Variants in PRKN observed in about 807,000 individuals in gnomAD.
The protein encoded by PRKN is E3 ubiquitin-protein ligase parkin.
PRKN carries 56 observed loss-of-function variants against 59.5 expected under a neutral mutation model. The observed-to-expected ratio is 0.94, with a 90% CI of 0.76 to 1.18. The LOEUF (loss-of-function observed/expected upper bound fraction) is 1.18. Ranked by LOEUF, PRKN falls within the 50% of genes most tolerant of loss-of-function variation. The pLI is 0.00. For synonymous variants in PRKN, 250 were observed against 222.1 expected, an observed-to-expected ratio of 1.13 and a Z score of -1.12; for missense variants, 657 against 596.4, an observed-to-expected ratio of 1.10 and a Z score of -1.06.
intron 2 of PRKN, among the ~76,000 whole-genome samples, chr6:162,334,062 G>T (rs1783716893): frequency 6.6e-6 from 1 of 152,184 alleles, no homozygotes; most frequent in African/African-American, 2.4e-5. Flanking sequence ...TACGAAGGCT[G>T]AGAGAGGTCA....
intron 1 of PRKN, among the ~76,000 whole-genome samples, chr6:162,601,491 A>T (rs1343506176): frequency 6.6e-6 from 1 of 152,166 alleles, no homozygotes; most frequent in Non-Finnish European, 1.5e-5. Flanking sequence ...CTTGCTGCTG[A>T]TGGGCAGTCT....
chr6:162,397,702 C>A (rs1787543996), intron 2 of PRKN, among the ~76,000 whole-genome samples: 1 of 152,204 alleles, frequency 6.6e-6, no homozygotes, highest in African/African-American at 2.4e-5. Context: ...GAACTCCTTA[C>A]CCATTTTTAT....
chr6:162,162,148 T>C (rs945483860), intron 4 of PRKN, among the ~76,000 whole-genome samples: 1 of 152,116 alleles, frequency 6.6e-6, no homozygotes, highest in East Asian at 1.9e-4. Flanking sequence ...AGTGGTGCAA[T>C]GTTAGCTCAC....
At chr6:162,016,911 C>A (rs1282077066) in intron 5 of PRKN, among the ~76,000 whole-genome samples, 3 of 152,078 alleles carry the variant, frequency 2.0e-5, no homozygotes, top group Non-Finnish European at 4.4e-5. Flanking sequence ...GCCTACCCAA[C>A]ACGCCAACTC....
chr6:161,577,836 A>G (rs983822506), intron 7 of PRKN, among the ~76,000 whole-genome samples: 5 of 152,152 alleles, frequency 3.3e-5, no homozygotes, highest in African/African-American at 7.2e-5. Context: ...CCATCTTCCA[A>G]TGAGGTGCCA....
chr6:162,561,168 G>C (rs921399869), intron 1 of PRKN, among the ~76,000 whole-genome samples: 1 of 152,122 alleles, frequency 6.6e-6, no homozygotes, highest in Non-Finnish European at 1.5e-5. Context: ...ATAAAGCTGA[G>C]GTCTCCAGGT....
At chr6:162,149,235 T>G (rs759448135) in intron 4 of PRKN, among the ~76,000 whole-genome samples, 1 of 152,038 alleles carries the variant, frequency 6.6e-6, no homozygotes, top group Non-Finnish European at 1.5e-5. Flanking sequence ...TATAAGACTT[T>G]ACTTTCTTTT....
intron 10 of PRKN, among the ~76,000 whole-genome samples, chr6:161,367,227 C>G (rs564701468): frequency 6.6e-6 from 1 of 151,756 alleles, no homozygotes; most frequent in African/African-American, 2.4e-5. Flanking sequence ...GTGATCCACC[C>G]GCCTCGGCCT....
At chr6:161,933,012 G>A (rs1779223141) in intron 6 of PRKN, among the ~76,000 whole-genome samples, 1 of 152,208 alleles carries the variant, frequency 6.6e-6, no homozygotes, top group Non-Finnish European at 1.5e-5. Context: ...GGGTGTGATG[G>A]CTCACGCCTG....
chr6:161,962,924 C>A (rs546726899), intron 6 of PRKN, among the ~76,000 whole-genome samples: 142 of 152,058 alleles, frequency 9.3e-4, no homozygotes, highest in African/African-American at 3.3e-3. Flanking sequence ...GCCGGTGGAT[C>A]ACCTGAGGTC....
At chr6:161,750,189 C>T (rs1788628866) in intron 7 of PRKN, among the ~76,000 whole-genome samples, 1 of 151,894 alleles carries the variant, frequency 6.6e-6, no homozygotes, top group South Asian at 2.1e-4. Context: ...CTTGCAAGGC[C>T]TGTAAACCCA....
In PRKN at chr6:161,385,262, G is replaced by A. The variant is rs902634207; in HGVS notation, c.1167+1532C>T. Among the ~76,000 whole-genome samples the A allele has an allele frequency of 4.6e-5, 7 of 152,154 alleles. No homozygotes were observed. The highest frequency in any genetic ancestry group is 4.4e-5 in the Non-Finnish European group (3 of 68,028). Reference sequence around the variant, plus strand: ...ACTTTTCAATGCATTTTTCTAGAGAGTCTAGCAGCTGCTTGACCCACCCAA... The same window carrying A: ...ACTTTTCAATGCATTTTTCTAGAGAATCTAGCAGCTGCTTGACCCACCCAA... On this transcript the variant is annotated intron_variant, in intron 10 of 11. Coordinates refer to ENST00000366898, the MANE Select transcript of PRKN (RefSeq NM_004562.3). This position sits in a 1 kb window ranked among gnomAD's most constrained non-coding sequence, Gnocchi z 4.9.
rs1554301288 is a variant in PRKN, at chr6:161,757,833, A to ATCTCTCTCCCTCTCTCTCTC, written c.871+27938_871+27939insGAGAGAGAGAGGGAGAGAGA. Among the ~76,000 whole-genome samples, 87 of 37,610 alleles carry ATCTCTCTCCCTCTCTCTCTC rather than the reference A, an allele frequency of 2.3e-3. 1 individual carries two copies. Among genetic ancestry groups the ATCTCTCTCCCTCTCTCTCTC allele is most frequent in the East Asian group, 3.4e-3 (3 of 878 alleles). The allele number at this position is 37,610 out of a possible 152,430, so 24.7% of individuals were successfully genotyped here. On this transcript the variant is annotated intron_variant, in intron 7 of 11. Transcript: ENST00000366898. ...AGCCTGGGCAATAGAGCAAAACTCC[A>ATCTCTCTCCCTCTCTCTCTC]TCTCTCTCTCTCTCTCTCTCTCTCT... is the stretch of plus-strand genomic sequence containing the variant.
At chr6:162,552,228 G>A (rs1166972857) in intron 1 of PRKN, among the ~76,000 whole-genome samples, 2 of 152,182 alleles carry the variant, frequency 1.3e-5, no homozygotes, top group African/African-American at 2.4e-5. Flanking sequence ...CAGAGACCAG[G>A]CCAGTCATGG....
At chr6:162,514,612 A>T (rs1449463530) in intron 1 of PRKN, among the ~76,000 whole-genome samples, 2 of 152,174 alleles carry the variant, frequency 1.3e-5, no homozygotes, top group East Asian at 3.9e-4. Context: ...AGTATTGCAC[A>T]GGAGGAGAAT....
rs868773115 is a variant in PRKN, at chr6:161,916,214, A to G, written c.734+57088T>C. ...GGTATTTCTGGCCTTATGAAGACAT[A>G]AGATACATTGGGAGGATTATGGAAA... On this transcript the variant is annotated intron_variant, in intron 6 of 11. Coordinates refer to ENST00000366898, the MANE Select transcript of PRKN (RefSeq NM_004562.3). 4.2e-4 allele frequency among the ~76,000 whole-genome samples: 64 copies of G among 152,324 alleles called. No homozygotes were observed. In the Middle Eastern group the frequency reaches 0.017, roughly 40 times the overall value.
chr6:161,822,651 G>A (rs894025455), intron 6 of PRKN, among the ~76,000 whole-genome samples: 7 of 152,120 alleles, frequency 4.6e-5, no homozygotes, highest in Non-Finnish European at 8.8e-5. Context: ...ATTCTAGTCT[G>A]GGCAACAGAG....
intron 2 of PRKN, among the ~76,000 whole-genome samples, chr6:162,426,674 T>A (rs1343301721): frequency 6.6e-6 from 1 of 152,188 alleles, no homozygotes; most frequent in African/African-American, 2.4e-5. Context: ...GTTAAACTCC[T>A]GAGCTCAAGG....
intron 4 of PRKN, among the ~76,000 whole-genome samples, chr6:162,176,729 G>C (rs1259314621): frequency 1.3e-5 from 2 of 152,078 alleles, no homozygotes; most frequent in African/African-American, 2.4e-5. Flanking sequence ...AGTGGAAACT[G>C]ATAGACTAGA....
Sources: gnomAD v4.1 joint callset for allele counts (sites outside exome capture counted in the v4.1 genomes callset) on GRCh38, gnomAD v4.1.1 for gene constraint, Gnocchi (gnomAD v3.1) non-coding constraint, MANE v1.5 for transcripts, NCBI Gene and HGNC (gene_info 2026-07-23, HGNC 2026-07-21) for gene names.